The following ZDHHC14 variants were observed in gnomAD, a reference collection of about 807,000 sequenced individuals.
ZDHHC14 encodes the protein zDHHC palmitoyltransferase 14.
Under a neutral mutation model 47.7 loss-of-function variants are expected in ZDHHC14, and 16 were observed. The observed-to-expected ratio is 0.34, with a 90% CI of 0.23 to 0.51. The LOEUF is 0.51. ZDHHC14 is among the 20% of genes least tolerant of loss of function. The pLI, the probability that ZDHHC14 is intolerant of heterozygous loss-of-function variation, is 0.97. For synonymous variants in ZDHHC14, 293 were observed against 278.9 expected (o/e 1.05, Z -0.50); for missense variants, 515 against 662.5 (o/e 0.78, Z 2.44).
chr6:157,511,056 C>T (rs1269251388), intron 1 of ZDHHC14, among the ~76,000 whole-genome samples: 1 of 152,242 alleles, frequency 6.6e-6, no homozygotes, highest in Non-Finnish European at 1.5e-5. Context: ...GCCTCCGCCT[C>T]AGAGCCAGAT....
At chr6:157,626,345 A>G (rs1785414838) in intron 3 of ZDHHC14, among the ~76,000 whole-genome samples, 1 of 152,158 alleles carries the variant, frequency 6.6e-6, no homozygotes, top group Non-Finnish European at 1.5e-5. Flanking sequence ...TGAGAAGAAA[A>G]GTGGTTTCTC....
At chr6:157,647,474 G>C (rs567601119) in intron 7 of ZDHHC14, 106 bp downstream of exon 7, 4 of 748,904 alleles carry the variant, frequency 5.3e-6, no homozygotes, top group African/African-American at 1.8e-5. Context: ...CCGCCACCAC[G>C]TGACCACTTT....
intron 5 of ZDHHC14, among the ~76,000 whole-genome samples, chr6:157,637,460 G>A (rs1284602517): frequency 2.6e-5 from 4 of 152,206 alleles, no homozygotes; most frequent in Non-Finnish European, 5.9e-5. Flanking sequence ...AGTGTCTGTT[G>A]GGGTGGCTGG....
chr6:157,672,665 CTCCCCACCT>C, intron 8 of ZDHHC14, 50 bp from the exon 9 acceptor site: 2 of 1,414,526 alleles, frequency 1.4e-6, no homozygotes, highest in Non-Finnish European at 9.7e-7. Flanking sequence ...ATCCCTGTCC[CTCCCCACCT>C]CTGCCCCCTC....
At chr6:157,588,275 A>G (rs941015786) in intron 2 of ZDHHC14, among the ~76,000 whole-genome samples, 3 of 151,458 alleles carry the variant, frequency 2.0e-5, no homozygotes, top group African/African-American at 7.3e-5. Context: ...ATAAATAAAT[A>G]TATAAATAAA....
At chr6:157,647,147 C>T (rs751956016) in intron 6 of ZDHHC14, 112 bp from the exon 7 acceptor site, 109 of 734,246 alleles carry the variant, frequency 1.5e-4, no homozygotes, top group Non-Finnish European at 1.8e-4. Flanking sequence ...ACCTCCATTT[C>T]TTTGGATTAA....
At chr6:157,637,425 G>A (rs906858901) in intron 5 of ZDHHC14, among the ~76,000 whole-genome samples, 25 of 152,194 alleles carry the variant, frequency 1.6e-4, no homozygotes, top group Middle Eastern at 3.2e-3. Context: ...AGCCCCTTCC[G>A]CTGCTGAGAT....
rs754617840 is a variant in ZDHHC14, at chr6:157,542,844, G to T, written c.406+99G>T. ...GAGGGCTGTGCAGGAGGAGCTGAGC[G>T]CTGGGAAGGAAGGAGGCCAGAAGTC... On this transcript the variant is annotated intron_variant, in intron 2 of 8. Transcript: ENST00000359775. 10 of 1,423,714 alleles carry T rather than the reference G, an allele frequency of 7.0e-6. No individual in the cohort carries two copies. The African/African-American group carries it at 8.6e-5, about 12-fold the overall frequency. The allele number at this position is 1,423,714 out of a possible 1,614,324, so 88.2% of individuals were successfully genotyped here.
intron 1 of ZDHHC14, among the ~76,000 whole-genome samples, chr6:157,388,385 G>C (rs1470050235): frequency 6.6e-6 from 1 of 152,120 alleles, no homozygotes; most frequent in Non-Finnish European, 1.5e-5. Flanking sequence ...GCATATCCTG[G>C]AGATTTTTTT....
intron 1 of ZDHHC14, among the ~76,000 whole-genome samples, chr6:157,426,474 T>A (rs1307633219): frequency 6.6e-6 from 1 of 152,168 alleles, no homozygotes; most frequent in Admixed American, 6.5e-5. Context: ...ACAGAGCAGT[T>A]TGGCCCCCAC....
chr6:157,400,884 C>T (rs2114745884), intron 1 of ZDHHC14, among the ~76,000 whole-genome samples: 1 of 152,344 alleles, frequency 6.6e-6, no homozygotes, highest in South Asian at 2.1e-4. Context: ...ACGCCTTTAT[C>T]ATCCCCTGGC....
intron 1 of ZDHHC14, among the ~76,000 whole-genome samples, chr6:157,436,614 T>G (rs1020506830): frequency 6.6e-6 from 1 of 151,442 alleles, no homozygotes; most frequent in African/African-American, 2.4e-5. Flanking sequence ...GTTGCAGGAA[T>G]AATGTGATGA....
intron 1 of ZDHHC14, among the ~76,000 whole-genome samples, chr6:157,509,083 C>A (rs189164765): frequency 6.6e-6 from 1 of 152,304 alleles, no homozygotes; most frequent in Non-Finnish European, 1.5e-5. Flanking sequence ...TTCACTCCAG[C>A]AGCAGTGGGG....
chr6:157,534,876 C>T (rs544314673), intron 1 of ZDHHC14, among the ~76,000 whole-genome samples: 18 of 152,278 alleles, frequency 1.2e-4, no homozygotes, highest in African/African-American at 3.4e-4. Context: ...TAGGCACTCC[C>T]GGCCTCTTCC....
At chr6:157,438,140 C>CAA (rs373061735) in intron 1 of ZDHHC14, among the ~76,000 whole-genome samples, 2 of 151,268 alleles carry the variant, frequency 1.3e-5, no homozygotes, top group Non-Finnish European at 3.0e-5. Flanking sequence ...TCTAAATCTT[C>CAA]AAAAAAAATG....
At chr6:157,584,560 A>T (rs1783621844) in intron 2 of ZDHHC14, among the ~76,000 whole-genome samples, 1 of 152,196 alleles carries the variant, frequency 6.6e-6, no homozygotes, top group South Asian at 2.1e-4. Flanking sequence ...ATCAGGATGG[A>T]AGTGCTCTGC....
At chr6:157,611,409 A>G (rs1367826822) in intron 3 of ZDHHC14, among the ~76,000 whole-genome samples, 1 of 152,134 alleles carries the variant, frequency 6.6e-6, no homozygotes, top group African/African-American at 2.4e-5. Context: ...GCATTTATTT[A>G]GAAACTGTTT....
rs1024148280 is a variant in ZDHHC14 at position 157,576,169 on chromosome 6, G to A, written c.407-16819G>A. ...TTGAAGAAAAATGTTTAAGACAAAC[G>A]GACATACTAAGGATTTTAACTGGAA... On this transcript the variant is annotated intron_variant, in intron 2 of 8. Coordinates refer to ENST00000359775, the MANE Select transcript of ZDHHC14 (RefSeq NM_024630.3). 5.9e-5 allele frequency among the ~76,000 whole-genome samples: 9 copies of A among 152,218 alleles called. No individual in the cohort carries two copies. The East Asian group carries it at 9.6e-4, about 16-fold the overall frequency.
chr6:157,586,553 C>T lies in ZDHHC14; in HGVS notation c.407-6435C>T, dbSNP rs1337003629. ...GGCCTGAGTTTCTTGATGGGACTTG[C>T]ATTTAGAAAGCTGACTCTTTAAGGG... On this transcript the variant is annotated intron_variant, in intron 2 of 8. Transcript: ENST00000359775. This position sits in a 1 kb window ranked among gnomAD's most constrained non-coding sequence, Gnocchi z 4.6. Among the ~76,000 whole-genome samples, 1 of 152,092 alleles carries T rather than the reference C, an allele frequency of 6.6e-6. No homozygotes were observed. The highest frequency in any genetic ancestry group is 2.4e-5 in the African/African-American group (1 of 41,400).
Sources: gnomAD v4.1 joint callset for allele counts (sites outside exome capture counted in the v4.1 genomes callset) on GRCh38, gnomAD v4.1.1 for gene constraint, Gnocchi (gnomAD v3.1) non-coding constraint, MANE v1.5 for transcripts, NCBI Gene and HGNC (gene_info 2026-07-23, HGNC 2026-07-21) for gene names.